The following THADA variants were observed in gnomAD, a reference collection of about 807,000 sequenced individuals.
THADA encodes THADA armadillo repeat containing.
A neutral mutation model predicts 219.8 loss-of-function variants in THADA; 213 were observed. The observed-to-expected ratio is 0.97, with a 90% CI of 0.87 to 1.09. The LOEUF is 1.09. Among genes scored for constraint, THADA ranks in the 50% least tolerant of loss-of-function variants. The pLI is 0.00. For missense variants in THADA, 2,956 were observed against 2,311.3 expected (o/e 1.28, Z -5.72); for synonymous variants, 1,018 against 828.9 (o/e 1.23, Z -3.92).
At chr2:43,244,691 G>C (rs1668950997) in intron 36 of THADA, among the ~76,000 whole-genome samples, 1 of 152,202 alleles carries the variant, frequency 6.6e-6, no homozygotes, top group African/African-American at 2.4e-5. Context: ...GATTCCTTTG[G>C]GGCCTGAACT....
chr2:43,419,684 T>C (rs1373264754), intron 28 of THADA, among the ~76,000 whole-genome samples: 1 of 152,226 alleles, frequency 6.6e-6, no homozygotes. Context: ...TGTGAAATCC[T>C]TCAATTCAGC....
Position 43,232,414 on chromosome 2 carries a change from A to G in THADA, c.5466+299T>C, listed in dbSNP as rs1172716864. Among the ~76,000 whole-genome samples the G allele has an allele frequency of 5.3e-5, 8 of 151,924 alleles. No homozygotes were observed. The South Asian group carries it at 1.7e-3, about 32-fold the overall frequency. On this transcript the variant is annotated intron_variant, in intron 37 of 37. Coordinates refer to ENST00000405975, the MANE Select transcript of THADA (RefSeq NM_022065.5). ...AGGATGGTCTCGATCTCCTGACCTCATGATCCGCCTGCCTTGGCCTCCCAA... is the reference window on the plus strand; with the variant it reads ...AGGATGGTCTCGATCTCCTGACCTCGTGATCCGCCTGCCTTGGCCTCCCAA...
chr2:43,575,161 C>T, intron 10 of THADA, 134 bp from the exon 11 acceptor site: 1 of 698,972 alleles, frequency 1.4e-6, no homozygotes, highest in African/African-American at 1.8e-5. Flanking sequence ...TTTACAAGAA[C>T]AAAAAACTAC....
chr2:43,327,196 C>T (rs1229856135), intron 30 of THADA, among the ~76,000 whole-genome samples: 1 of 152,120 alleles, frequency 6.6e-6, no homozygotes, highest in East Asian at 1.9e-4. Flanking sequence ...AAAAATCAAA[C>T]AGGTGCAGCT....
intron 22 of THADA, among the ~76,000 whole-genome samples, chr2:43,514,232 G>A (rs937878744): frequency 5.3e-5 from 8 of 151,164 alleles, no homozygotes; most frequent in African/African-American, 1.5e-4. Context: ...GGCAGATCAC[G>A]TGAGCTCTGG....
At chr2:43,455,720 T>A (rs1036503321) in intron 26 of THADA, among the ~76,000 whole-genome samples, 2 of 152,224 alleles carry the variant, frequency 1.3e-5, no homozygotes, top group Non-Finnish European at 2.9e-5. Context: ...AGGTTCTGGC[T>A]TATACTCATC....
At chr2:43,499,241 A>G (rs964588329) in intron 24 of THADA, among the ~76,000 whole-genome samples, 4 of 152,248 alleles carry the variant, frequency 2.6e-5, no homozygotes, top group African/African-American at 9.6e-5. Context: ...TCGAGCACAC[A>G]TGAAACATTT....
At chr2:43,415,450 A>C (rs984690167) in intron 28 of THADA, among the ~76,000 whole-genome samples, 1 of 152,158 alleles carries the variant, frequency 6.6e-6, no homozygotes, top group African/African-American at 2.4e-5. Context: ...TGTATTCATT[A>C]GTAGTAGTAG....
At chr2:43,457,133 TACACACACACAC>T (rs35803641) in intron 26 of THADA, among the ~76,000 whole-genome samples, 2,127 of 126,220 alleles carry the variant, frequency 0.017, 42 homozygotes, top group African/African-American at 0.05. Flanking sequence ...TTAGGATATC[TACACACACACAC>T]ACACACACAC....
At chr2:43,421,776 AAC>A (rs1349667080) in intron 28 of THADA, among the ~76,000 whole-genome samples, 2 of 152,352 alleles carry the variant, frequency 1.3e-5, no homozygotes, top group East Asian at 3.9e-4. Flanking sequence ...AACTATCCAG[AAC>A]ACAGTTACAG....
At chr2:43,581,543 CAA>C (rs397938497) in intron 8 of THADA, among the ~76,000 whole-genome samples, 196 bp downstream of exon 8, 18 of 67,672 alleles carry the variant, frequency 2.7e-4, no homozygotes, top group East Asian at 7.1e-4. Context: ...GATTCGGTCT[CAA>C]AAAAAAAAAA....
chr2:43,244,837 G>A (rs779150620), intron 36 of THADA, among the ~76,000 whole-genome samples: 1 of 152,182 alleles, frequency 6.6e-6, no homozygotes, highest in Non-Finnish European at 1.5e-5. Context: ...CTGACCAGGT[G>A]GTAAGTGCCT....
intron 15 of THADA, among the ~76,000 whole-genome samples, chr2:43,561,560 CATT>C (rs1421294433): frequency 6.6e-6 from 1 of 152,140 alleles, no homozygotes; most frequent in Non-Finnish European, 1.5e-5. Context: ...AAACTGAAAA[CATT>C]ATTATGCTTA....
chr2:43,408,503 C>T lies in THADA; in HGVS notation c.4059-10364G>A, dbSNP rs1675872929. 7 of 152,310 alleles carry T rather than the reference C, an allele frequency of 4.6e-5. No homozygotes were observed. In the South Asian group the frequency reaches 1.5e-3, roughly 32 times the overall value. The allele number at this position is 152,310 out of a possible 1,614,324, so 9.4% of individuals were successfully genotyped here. ...AATTTTCTTGGGTGTAGAAGAAATA[C>T]ACAGTCATCAGCTTTAAGTGACTTT... On this transcript the variant is annotated intron_variant, in intron 28 of 37. Transcript: ENST00000405975.
chr2:43,553,687 C>T (rs1044016003), intron 17 of THADA, among the ~76,000 whole-genome samples: 2 of 152,186 alleles, frequency 1.3e-5, no homozygotes, highest in Admixed American at 6.5e-5. Flanking sequence ...TTTTGAGGAA[C>T]TGCCAGACTA....
intron 12 of THADA, 117 bp downstream of exon 12, chr2:43,572,697 A>T: frequency 1.2e-6 from 1 of 834,342 alleles, no homozygotes; most frequent in Non-Finnish European, 1.7e-6. Flanking sequence ...GTTTCTACTC[A>T]TTCTCTTTAT....
chr2:43,526,448 G>A (rs1397171904), intron 22 of THADA, among the ~76,000 whole-genome samples: 1 of 152,170 alleles, frequency 6.6e-6, no homozygotes, highest in Admixed American at 6.5e-5. Context: ...TCTAGCCTCT[G>A]AACATTTACT....
intron 30 of THADA, among the ~76,000 whole-genome samples, chr2:43,322,674 CTTTTTT>C (rs34557514): frequency 3.6e-5 from 2 of 54,826 alleles, no homozygotes; most frequent in African/African-American, 8.5e-5. Flanking sequence ...ACATTCTATT[CTTTTTT>C]TTTTTTTTTT....
intron 30 of THADA, among the ~76,000 whole-genome samples, chr2:43,324,938 C>T (rs1679146470): frequency 6.6e-6 from 1 of 152,216 alleles, no homozygotes; most frequent in Non-Finnish European, 1.5e-5. Context: ...AGCAGCATTA[C>T]TAGTGGCTTT....
Sources: gnomAD v4.1 joint callset for allele counts (sites outside exome capture counted in the v4.1 genomes callset) on GRCh38, gnomAD v4.1.1 for gene constraint, MANE v1.5 for transcripts, NCBI Gene and HGNC (gene_info 2026-07-23, HGNC 2026-07-21) for gene names.